PRKN: variants seen among roughly 807,000 people sequenced by gnomAD.
PRKN encodes the protein E3 ubiquitin-protein ligase parkin.
A neutral mutation model predicts 59.5 loss-of-function variants in PRKN; 56 were observed. That is an observed-to-expected ratio of 0.94 (90% CI 0.76 to 1.18). The LOEUF (loss-of-function observed/expected upper bound fraction) is 1.18, where lower values mean the gene tolerates loss of function less well. PRKN is among the 50% of genes most tolerant of loss of function. The pLI is 0.00. For missense variants in PRKN, 657 were observed against 596.4 expected, an observed-to-expected ratio of 1.10 and a Z score of -1.06; for synonymous variants, 250 against 222.1, an observed-to-expected ratio of 1.13 and a Z score of -1.12.
Position 162,116,133 on chromosome 6 carries a change from T to C in PRKN, c.535-61959A>G, listed in dbSNP as rs112844636. ...ACACATTACCCTTGAGCAGGGGGTA[T>C]AGATATACAATCATTAAGAATAATC... is the stretch of plus-strand genomic sequence containing the variant. On this transcript the variant is annotated intron_variant, in intron 4 of 11. Coordinates refer to ENST00000366898, the MANE Select transcript of PRKN (RefSeq NM_004562.3). 3.9e-5 allele frequency among the ~76,000 whole-genome samples: 6 copies of C among 152,354 alleles called. No homozygotes were observed. The South Asian group carries it at 6.2e-4, about 16-fold the overall frequency.
intron 7 of PRKN, among the ~76,000 whole-genome samples, chr6:161,589,020 T>C (rs1781620120): frequency 1.3e-5 from 2 of 152,212 alleles, no homozygotes; most frequent in African/African-American, 4.8e-5. Flanking sequence ...AGGCCATTTG[T>C]AGCATGTAGT....
At chr6:161,464,810 CG>C (rs1790379047) in intron 9 of PRKN, among the ~76,000 whole-genome samples, 1 of 152,172 alleles carries the variant, frequency 6.6e-6, no homozygotes, top group South Asian at 2.1e-4. Context: ...CCCAGTGAAA[CG>C]AATTAGTCAA....
chr6:161,785,727 T>G (rs1241467159), intron 7 of PRKN, 45 bp downstream of exon 7: 1 of 1,597,126 alleles, frequency 6.3e-7, no homozygotes, highest in Non-Finnish European at 8.6e-7. Flanking sequence ...TGTTCTTCTG[T>G]TCTTCATTAG....
In PRKN at chr6:161,554,730, G is replaced by GTATATA. The variant is rs1165247669; in HGVS notation, c.934-5728_934-5727insTATATA. 3.3e-4 allele frequency among the ~76,000 whole-genome samples: 46 copies of GTATATA among 137,910 alleles called. No individual in the cohort carries two copies. Among genetic ancestry groups the GTATATA allele is most frequent in the African/African-American group, 1.2e-3 (44 of 36,816 alleles). 90.5% of individuals were successfully genotyped at this position (137,910 alleles called of 152,430 possible). ...ACAGGGATTGTGTGTGTGTGTGTGT[G>GTATATA]TGTGTATATATATATATATATATAC... is the stretch of plus-strand genomic sequence containing the variant. On this transcript the variant is annotated intron_variant, in intron 8 of 11. Transcript: ENST00000366898. This position sits in a 1 kb window ranked among gnomAD's most constrained non-coding sequence, Gnocchi z 4.5.
chr6:161,460,281 C>T lies in PRKN; in HGVS notation c.1084-73404G>A, dbSNP rs1246711212. Among the ~76,000 whole-genome samples the T allele has an allele frequency of 6.6e-6, 1 of 152,196 alleles. No individual in the cohort carries two copies. The highest frequency in any genetic ancestry group is 1.9e-4 in the East Asian group (1 of 5,202). The stretch of plus-strand genomic sequence containing the variant: ...CTTGTTGATGGGCACCGTGTGTTTA[C>T]AGAGGAGAGTGCCTTTGACCAAGAT... On this transcript the variant is annotated intron_variant, in intron 9 of 11. Transcript: ENST00000366898. The surrounding 1 kb of genome is among the most constrained non-coding windows in gnomAD (Gnocchi z 5.0).
intron 1 of PRKN, among the ~76,000 whole-genome samples, chr6:162,613,051 T>G (rs890817988): frequency 1.3e-5 from 2 of 152,228 alleles, no homozygotes; most frequent in African/African-American, 4.8e-5. Flanking sequence ...CCTGACATGT[T>G]GCCTATGAGG....
rs1016202119 is a variant in PRKN, at chr6:161,363,463, G to T, written c.1168-3258C>A. ...AACAAATTAGATACAAATGAAGAGA[G>T]AATTTGTGAACTGAAAGATGGAGCT... is the stretch of plus-strand genomic sequence containing the variant. On this transcript the variant is annotated intron_variant, in intron 10 of 11. Coordinates refer to ENST00000366898, the MANE Select transcript of PRKN (RefSeq NM_004562.3). This position sits in a 1 kb window ranked among gnomAD's most constrained non-coding sequence, Gnocchi z 4.1. Among the ~76,000 whole-genome samples the T allele has an allele frequency of 2.0e-5, 3 of 152,058 alleles. No individual in the cohort carries two copies. Among genetic ancestry groups the T allele is most frequent in the African/African-American group, 7.2e-5 (3 of 41,390 alleles).
At chr6:162,250,189 G>T (rs933599604) in intron 3 of PRKN, among the ~76,000 whole-genome samples, 1 of 94,330 alleles carries the variant, frequency 1.1e-5, no homozygotes, top group Non-Finnish European at 2.1e-5. Context: ...ATTTATAAGG[G>T]GGGGGGCAGG....
intron 1 of PRKN, among the ~76,000 whole-genome samples, chr6:162,699,681 G>A (rs1778085463): frequency 6.6e-6 from 1 of 152,066 alleles, no homozygotes; most frequent in Admixed American, 6.6e-5. Flanking sequence ...AGCCCTTCTT[G>A]GGACTCTGAA....
intron 7 of PRKN, among the ~76,000 whole-genome samples, chr6:161,754,816 A>G (rs766158569): frequency 6.6e-6 from 1 of 152,238 alleles, no homozygotes; most frequent in East Asian, 1.9e-4. Context: ...CAAAAATGCA[A>G]CTGTCGTGGT....
chr6:161,847,133 C>G (rs977853945), intron 6 of PRKN, among the ~76,000 whole-genome samples: 15 of 152,158 alleles, frequency 9.9e-5, no homozygotes, highest in Admixed American at 9.2e-4. Flanking sequence ...CATGGTGAAA[C>G]CCCGTCTCTA....
chr6:161,606,963 A>G lies in PRKN; in HGVS notation c.872-37547T>C, dbSNP rs1305338690. Among the ~76,000 whole-genome samples, 3 of 151,714 alleles carry G rather than the reference A, an allele frequency of 2.0e-5. No individual in the cohort carries two copies. The East Asian group carries it at 5.8e-4, about 29-fold the overall frequency. Reference sequence around the variant, plus strand: ...GGCCACCTGGCACAGCATGGGGGGGAGATGAGGGGCTTTATTGAAATCAGG... The same window carrying G: ...GGCCACCTGGCACAGCATGGGGGGGGGATGAGGGGCTTTATTGAAATCAGG... On this transcript the variant is annotated intron_variant, in intron 7 of 11. Coordinates refer to ENST00000366898, the MANE Select transcript of PRKN (RefSeq NM_004562.3).
At chr6:161,728,219 T>C (rs190670269) in intron 7 of PRKN, among the ~76,000 whole-genome samples, 129 of 150,696 alleles carry the variant, frequency 8.6e-4, no homozygotes, top group African/African-American at 3.0e-3. Context: ...AGGAGAATGA[T>C]TGTTTTTCTC....
rs189375537 is a variant in PRKN at position 162,251,143 on chromosome 6, T to C, written c.412+11382A>G. ...AGGCCTAAAATCTTCTATTCTTCAA[T>C]GATTCCTTGTCTTTTTTAGTTAAAA... On this transcript the variant is annotated intron_variant, in intron 3 of 11. Coordinates refer to ENST00000366898, the MANE Select transcript of PRKN (RefSeq NM_004562.3). 2.4e-4 allele frequency among the ~76,000 whole-genome samples: 36 copies of C among 152,294 alleles called. No homozygotes were observed. The East Asian group carries it at 5.6e-3, about 24-fold the overall frequency.
intron 2 of PRKN, among the ~76,000 whole-genome samples, chr6:162,281,416 T>TAA (rs369725078): frequency 6.7e-6 from 1 of 149,156 alleles, no homozygotes; most frequent in African/African-American, 2.5e-5. Flanking sequence ...AAAGTAAAAT[T>TAA]AAAAAAAAAA....
At chr6:162,242,770 C>A (rs1393616986) in intron 3 of PRKN, among the ~76,000 whole-genome samples, 1 of 152,198 alleles carries the variant, frequency 6.6e-6, no homozygotes, top group East Asian at 1.9e-4. Context: ...TCCTCTTTGC[C>A]CCAACATATT....
At chr6:162,144,601 G>A (rs1583098753) in intron 4 of PRKN, among the ~76,000 whole-genome samples, 2 of 152,224 alleles carry the variant, frequency 1.3e-5, no homozygotes, top group East Asian at 1.9e-4. Flanking sequence ...ATGGTCACAG[G>A]CCCACCCCCA....
intron 1 of PRKN, among the ~76,000 whole-genome samples, chr6:162,594,998 C>A (rs1020372681): frequency 1.3e-5 from 2 of 151,956 alleles, no homozygotes; most frequent in Non-Finnish European, 2.9e-5. Flanking sequence ...CACGGTGAAA[C>A]CCCATCTCTA....
rs1398780449 is a variant in PRKN, at chr6:161,352,769, A to ATATATTTTTTTT, written c.1286-2559_1286-2558insAAAAAAAATATA. Among the ~76,000 whole-genome samples the ATATATTTTTTTT allele has an allele frequency of 8.4e-6, 1 of 119,448 alleles. No individual in the cohort carries two copies. The highest frequency in any genetic ancestry group is 1.9e-5 in the Non-Finnish European group (1 of 53,020). 78.4% of individuals were successfully genotyped at this position (119,448 alleles called of 152,430 possible). A position where few individuals can be genotyped will look rare whatever the true frequency, so the allele number is the denominator to read the frequency against. ...TGTGTGTGTGTGTATATATATATATATATTTTATTTTATTTTATTTTATTT... is the reference window on the plus strand; with the variant it reads ...TGTGTGTGTGTGTATATATATATATATATATTTTTTTTTATTTTATTTTATTTTATTTTATTT... On this transcript the variant is annotated intron_variant, in intron 11 of 11. Transcript: ENST00000366898. This position sits in a 1 kb window ranked among gnomAD's most constrained non-coding sequence, Gnocchi z 5.8.
Sources: gnomAD v4.1 joint callset for allele counts (sites outside exome capture counted in the v4.1 genomes callset) on GRCh38, gnomAD v4.1.1 for gene constraint, Gnocchi (gnomAD v3.1) non-coding constraint, MANE v1.5 for transcripts, NCBI Gene and HGNC (gene_info 2026-07-23, HGNC 2026-07-21) for gene names.